DCAF8L2: variants seen among roughly 807,000 people sequenced by gnomAD.
The protein encoded by DCAF8L2 is DDB1 and CUL4 associated factor 8 like 2.
For missense variants in DCAF8L2, 430 were observed against 490.7 expected, an observed-to-expected ratio of 0.88 and a Z score of 1.17; for synonymous variants, 200 against 190.9, an observed-to-expected ratio of 1.05 and a Z score of -0.39.
chrX:27,603,797 T>A (rs1233584325), intron 1 of DCAF8L2, among the ~76,000 whole-genome samples: 1 of 111,823 alleles, frequency 8.9e-6, no homozygotes, highest in Non-Finnish European at 1.9e-5. Flanking sequence ...GAAGGTTAGA[T>A]AGCTTTAAAA....
intron 3 of DCAF8L2, among the ~76,000 whole-genome samples, chrX:27,689,663 G>A (rs1930640787): frequency 8.9e-6 from 1 of 112,601 alleles, no homozygotes; most frequent in Non-Finnish European, 1.9e-5. Context: ...TAGCCATTAG[G>A]AAGAATAGGA....
chrX:27,660,597 G>A (rs1929523990), intron 2 of DCAF8L2, among the ~76,000 whole-genome samples: 1 of 111,950 alleles, frequency 8.9e-6, no homozygotes, highest in Non-Finnish European at 1.9e-5. Flanking sequence ...TTCTGGGGAT[G>A]GGCATGTCGC....
intron 3 of DCAF8L2, among the ~76,000 whole-genome samples, chrX:27,689,492 G>A (rs942208279): frequency 4.4e-5 from 5 of 112,493 alleles, no homozygotes; most frequent in Non-Finnish European, 7.5e-5. Context: ...TGATCCACCC[G>A]CCTCAGCCTC....
At chrX:27,690,060 CTGTT>C (rs1930657494) in intron 3 of DCAF8L2, among the ~76,000 whole-genome samples, 2 of 111,125 alleles carry the variant, frequency 1.8e-5, no homozygotes, top group South Asian at 3.8e-4. Flanking sequence ...ACATAAGACA[CTGTT>C]TGTCAGTAGG....
At chrX:27,576,078 T>G in the DCAF8L2 span, among the ~76,000 whole-genome samples, 2 of 112,562 alleles carry the variant, frequency 1.8e-5, no homozygotes, top group African/African-American at 6.5e-5. Context: ...ATGCACCTAA[T>G]ACATCTTCAT....
chrX:27,524,162 A>C, the DCAF8L2 span, among the ~76,000 whole-genome samples: 1 of 110,968 alleles, frequency 9.0e-6, no homozygotes, highest in East Asian at 2.8e-4. Context: ...CTGGTCCTGG[A>C]CTTTTTTTGG....
the DCAF8L2 span, among the ~76,000 whole-genome samples, chrX:27,490,726 C>T: frequency 9.0e-6 from 1 of 111,394 alleles, no homozygotes; most frequent in Non-Finnish European, 1.9e-5. Context: ...TCTCAAAGTG[C>T]TGGGATTACA....
At chrX:27,705,227 C>T (rs146873822) in intron 3 of DCAF8L2, among the ~76,000 whole-genome samples, 1,131 of 110,586 alleles carry the variant, frequency 0.01, 16 homozygotes, top group African/African-American at 0.033. Context: ...AGGTTGATAC[C>T]ATGTCTTTGA....
chrX:27,678,708 A>G (rs1040715390), intron 3 of DCAF8L2, among the ~76,000 whole-genome samples: 3 of 111,828 alleles, frequency 2.7e-5, no homozygotes, highest in African/African-American at 9.7e-5. Context: ...CTTCATGGGT[A>G]TGGAGTTTCA....
the DCAF8L2 span, among the ~76,000 whole-genome samples, chrX:27,572,332 C>G: frequency 9.0e-6 from 1 of 111,495 alleles, no homozygotes; most frequent in Non-Finnish European, 1.9e-5. Flanking sequence ...TTAGCTCAGC[C>G]AGGGACACCG....
At chrX:27,591,125 C>G (rs1348086893) in intron 1 of DCAF8L2, among the ~76,000 whole-genome samples, 5 of 107,404 alleles carry the variant, frequency 4.7e-5, no homozygotes, top group Non-Finnish European at 7.7e-5. Context: ...TTTCTTCATC[C>G]TGAATTTGAA....
the DCAF8L2 span, among the ~76,000 whole-genome samples, chrX:27,547,845 T>TTCTCTCTCTCTCTCTC: frequency 2.2e-5 from 1 of 46,289 alleles, no homozygotes; most frequent in Admixed American, 2.7e-4. Context: ...CTCTCTCTCT[T>TTCTCTCTCTCTCTCTC]TCTCTCTCTC....
At chrX:27,527,431 C>T in the DCAF8L2 span, among the ~76,000 whole-genome samples, 73 of 111,435 alleles carry the variant, frequency 6.6e-4, 1 homozygote, top group African/African-American at 2.2e-3. Context: ...TCACACCTTC[C>T]TTTGGCTAGG....
intron 4 of DCAF8L2, among the ~76,000 whole-genome samples, chrX:27,733,008 C>T (rs1207616701): frequency 9.0e-6 from 1 of 110,716 alleles, no homozygotes; most frequent in Non-Finnish European, 1.9e-5. Context: ...CAGGTGTGTG[C>T]CACCATGCCC....
chrX:27,561,517 C>T, the DCAF8L2 span, among the ~76,000 whole-genome samples: 3 of 111,393 alleles, frequency 2.7e-5, no homozygotes, highest in Non-Finnish European at 5.6e-5. Flanking sequence ...CAGTGTTGCA[C>T]TACCATCACC....
chrX:27,553,282 C>T, the DCAF8L2 span, among the ~76,000 whole-genome samples: 1 of 111,116 alleles, frequency 9.0e-6, no homozygotes, highest in African/African-American at 3.3e-5. Context: ...GTTTAGAGTT[C>T]AGTTCAACTC....
intron 2 of DCAF8L2, among the ~76,000 whole-genome samples, chrX:27,646,232 C>A (rs941812057): frequency 9.0e-6 from 1 of 111,103 alleles, no homozygotes; most frequent in Non-Finnish European, 1.9e-5. Context: ...ATCAATAGAA[C>A]AGAATAGAGA....
At chrX:27,521,543 G>A in the DCAF8L2 span, among the ~76,000 whole-genome samples, 3 of 112,259 alleles carry the variant, frequency 2.7e-5, no homozygotes, top group African/African-American at 9.7e-5. Flanking sequence ...TATGGAGAAC[G>A]CTGTGAAATA....
the DCAF8L2 span, chrX:27,519,333 T>G: frequency 7.1e-5 from 80 of 1,127,403 alleles, 1 homozygote; most frequent in Admixed American, 1.7e-3. Flanking sequence ...AAAAGGAGCG[T>G]CGAGCTGCTG....
Sources: allele counts gnomAD v4.1 joint callset (sites outside exome capture counted in the v4.1 genomes callset), GRCh38; gene constraint gnomAD v4.1.1; transcripts MANE v1.5; gene names NCBI Gene and HGNC (gene_info 2026-07-23, HGNC 2026-07-21).